SLC8A3: variants seen among roughly 807,000 people sequenced by gnomAD.
SLC8A3 encodes solute carrier family 8 member A3, also known as sodium/calcium exchanger 3.
SLC8A3 carries 37 observed loss-of-function variants against 65.4 expected under a neutral mutation model. That is an observed-to-expected ratio of 0.57 (90% confidence interval 0.44 to 0.74). SLC8A3 has a LOEUF of 0.74. Among genes scored for constraint, SLC8A3 ranks in the 30% least tolerant of loss-of-function variants. SLC8A3 has a pLI of 0.00. For synonymous variants in SLC8A3, 461 were observed against 444.5 expected (o/e 1.04, Z -0.47); for missense variants, 1,112 against 1,172.1 (o/e 0.95, Z 0.75).
rs55773989 is a variant in SLC8A3 at position 70,148,734 on chromosome 14, T to C, written c.1784+17905A>G. Among the ~76,000 whole-genome samples, 1,431 of 152,278 alleles carry C rather than the reference T, an allele frequency of 9.4e-3. 20 individuals are homozygous for C. Among genetic ancestry groups the C allele is most frequent in the African/African-American group, 0.032 (1,313 of 41,542 alleles). ...TGTACACAAACAGCAATACATACGATTCAACCAGCTATGTGCAAGCACAAA... is the reference window on the plus strand; with the variant it reads ...TGTACACAAACAGCAATACATACGACTCAACCAGCTATGTGCAAGCACAAA... On this transcript the variant is annotated intron_variant, in intron 2 of 6. Transcript: ENST00000356921.
intron 3 of SLC8A3, among the ~76,000 whole-genome samples, chr14:70,057,366 G>A (rs556899513): frequency 5.3e-5 from 8 of 152,226 alleles, no homozygotes; most frequent in East Asian, 1.9e-4. Context: ...TGCTCCTTCC[G>A]GGAGTTTGCG....
intron 2 of SLC8A3, among the ~76,000 whole-genome samples, chr14:70,155,280 A>T (rs552321763): frequency 6.6e-6 from 1 of 152,108 alleles, no homozygotes; most frequent in African/African-American, 2.4e-5. Flanking sequence ...TTAAATATAC[A>T]CTAAATTACT....
chr14:70,082,482 A>G (rs1378905621), intron 2 of SLC8A3, among the ~76,000 whole-genome samples: 2 of 152,226 alleles, frequency 1.3e-5, no homozygotes, highest in African/African-American at 4.8e-5. Context: ...AACAACAATG[A>G]AACATATTTA....
chr14:70,100,700 T>C (rs1892499871), intron 2 of SLC8A3, among the ~76,000 whole-genome samples: 1 of 152,152 alleles, frequency 6.6e-6, no homozygotes, highest in African/African-American at 2.4e-5. Context: ...TAAAAACACA[T>C]TGCAAAAGAG....
At chr14:70,101,433 G>A (rs1381098821) in intron 2 of SLC8A3, among the ~76,000 whole-genome samples, 1 of 152,010 alleles carries the variant, frequency 6.6e-6, no homozygotes, top group Non-Finnish European at 1.5e-5. Flanking sequence ...CAAAGAAAGA[G>A]AGAAGACTAA....
chr14:70,173,793 A>G (rs1897698237), intron 1 of SLC8A3, among the ~76,000 whole-genome samples: 1 of 152,130 alleles, frequency 6.6e-6, no homozygotes. Flanking sequence ...CGGTGGGTGG[A>G]AGTCAGTGCA....
chr14:70,136,381 C>A (rs772291567), intron 2 of SLC8A3, among the ~76,000 whole-genome samples: 20 of 152,184 alleles, frequency 1.3e-4, no homozygotes, highest in Non-Finnish European at 2.4e-4. Context: ...TTACGGTAGT[C>A]CCAAGAAACC....
chr14:70,126,141 T>C (rs1417826786), intron 2 of SLC8A3, among the ~76,000 whole-genome samples: 1 of 152,182 alleles, frequency 6.6e-6, no homozygotes, highest in African/African-American at 2.4e-5. Flanking sequence ...TTAGAAGAAA[T>C]GGAAAGCCTA....
At chr14:70,054,784 C>T (rs1056733759) in intron 3 of SLC8A3, among the ~76,000 whole-genome samples, 7 of 152,056 alleles carry the variant, frequency 4.6e-5, no homozygotes, top group African/African-American at 1.5e-4. Context: ...TCCCAGAAGG[C>T]TTATGTCCTT....
intron 5 of SLC8A3, among the ~76,000 whole-genome samples, chr14:70,049,418 G>A (rs1246003482): frequency 6.6e-6 from 1 of 152,196 alleles, no homozygotes; most frequent in Non-Finnish European, 1.5e-5. Context: ...TCACTCATAA[G>A]TGGGAGTTGA....
At chr14:70,123,432 T>A (rs1427307411) in intron 2 of SLC8A3, among the ~76,000 whole-genome samples, 1 of 148,258 alleles carries the variant, frequency 6.7e-6, no homozygotes, top group Admixed American at 6.9e-5. Flanking sequence ...GTGAGGTGGC[T>A]TTTTTTATTT....
intron 2 of SLC8A3, among the ~76,000 whole-genome samples, chr14:70,065,206 C>G (rs1302262888): frequency 6.6e-6 from 1 of 152,162 alleles, no homozygotes; most frequent in Non-Finnish European, 1.5e-5. Context: ...GTACAACCTC[C>G]CTGCCCTCCT....
At chr14:70,087,861 A>G (rs889020154) in intron 2 of SLC8A3, among the ~76,000 whole-genome samples, 1 of 152,260 alleles carries the variant, frequency 6.6e-6, no homozygotes, top group Non-Finnish European at 1.5e-5. Context: ...CTAAATATTC[A>G]TGGTGCATCT....
At chr14:70,106,499 T>C (rs1892882428) in intron 2 of SLC8A3, among the ~76,000 whole-genome samples, 1 of 152,148 alleles carries the variant, frequency 6.6e-6, no homozygotes, top group South Asian at 2.1e-4. Context: ...GTTTAGAAAG[T>C]TCACACTTAA....
At position 70,162,746 on chromosome 14, in the gene SLC8A3, T is replaced by C. The variant is rs147890343; in HGVS notation, c.1784+3893A>G. 1.6e-3 allele frequency among the ~76,000 whole-genome samples: 241 copies of C among 152,342 alleles called. 2 individuals are homozygous for C. The highest frequency in any genetic ancestry group is 9.6e-4 in the East Asian group (5 of 5,186). ...AAGGCCATAATTCTCAAGAAGTGACTATAGTGATGGTTGCAAAGGTGAGGA... is the reference window on the plus strand; with the variant it reads ...AAGGCCATAATTCTCAAGAAGTGACCATAGTGATGGTTGCAAAGGTGAGGA... On this transcript the variant is annotated intron_variant, in intron 2 of 6. Coordinates refer to ENST00000356921, the MANE Select transcript of SLC8A3 (RefSeq NM_182932.3).
intron 2 of SLC8A3, among the ~76,000 whole-genome samples, chr14:70,156,941 C>T (rs1032080183): frequency 3.9e-5 from 6 of 152,166 alleles, no homozygotes; most frequent in Non-Finnish European, 7.4e-5. Flanking sequence ...TCTTCTGACG[C>T]TAGTGTCCTG....
Position 70,162,767 on chromosome 14 carries a change from G to A in SLC8A3, c.1784+3872C>T, listed in dbSNP as rs1458497342. Reference sequence around the variant, plus strand: ...TGACTATAGTGATGGTTGCAAAGGTGAGGATTCTTCTGGATCATGAAGACA... The same window carrying A: ...TGACTATAGTGATGGTTGCAAAGGTAAGGATTCTTCTGGATCATGAAGACA... On this transcript the variant is annotated intron_variant, in intron 2 of 6. Transcript: ENST00000356921. 2.0e-5 allele frequency among the ~76,000 whole-genome samples: 3 copies of A among 152,176 alleles called. No individual in the cohort carries two copies. The East Asian group carries it at 5.8e-4, about 29-fold the overall frequency.
chr14:70,052,064 C>G lies in SLC8A3; in HGVS notation c.1939G>C (p.Ala647Pro). The stretch of plus-strand genomic sequence containing the variant: ...CCCAATACTGGCTTTCCCATCTCTG[C>G]TATCCTCTTGGCCTCCTCTTCTTCC... ...TMEEEEAKRI[A>P]EMGKPVLGEH... The change falls in exon 4 of 7, where the codon GCA becomes CCA. Residue 647 changes from alanine (A) to proline (P), a missense_variant. Transcript: ENST00000356921. 1 of 1,611,858 alleles carries G rather than the reference C, an allele frequency of 6.2e-7. No individual in the cohort carries two copies. Among genetic ancestry groups the G allele is most frequent in the Non-Finnish European group, 8.5e-7 (1 of 1,179,464 alleles).
chr14:70,177,796 T>C (rs942365738), intron 1 of SLC8A3, among the ~76,000 whole-genome samples: 1 of 152,132 alleles, frequency 6.6e-6, no homozygotes, highest in Non-Finnish European at 1.5e-5. Context: ...TTTTTAATCA[T>C]AGGAGGGACA....
Sources: allele counts gnomAD v4.1 joint callset (sites outside exome capture counted in the v4.1 genomes callset), GRCh38; gene constraint gnomAD v4.1.1; transcripts MANE v1.5; gene names NCBI Gene and HGNC (gene_info 2026-07-23, HGNC 2026-07-21).